LPL: variants seen among roughly 807,000 people sequenced by gnomAD.
LPL encodes the protein lipoprotein lipase.
A neutral mutation model predicts 52.2 loss-of-function variants in LPL; 43 were observed. That is an observed-to-expected ratio of 0.82 (90% confidence interval 0.64 to 1.06). The LOEUF is 1.06. Among genes scored for constraint, LPL ranks in the 50% least tolerant of loss-of-function variants. The pLI is 0.00. For synonymous variants in LPL, 244 were observed against 215.6 expected (o/e 1.13, Z -1.15); for missense variants, 639 against 585.3 (o/e 1.09, Z -0.95).
Position 19,963,796 on chromosome 8 carries a change from G to T in LPL, c.*-1514G>T, listed in dbSNP as rs2070061274. On this transcript the variant is annotated intron_variant, in intron 9 of 9. Coordinates refer to ENST00000650287, the MANE Select transcript of LPL (RefSeq NM_000237.3). ...AACTCAAAATGGAGAATAGTTAGTG[G>T]TATTGAGCCAGGCAAAATAACGCAA... is the stretch of plus-strand genomic sequence containing the variant. Among the ~76,000 whole-genome samples, 5 of 152,090 alleles carry T rather than the reference G, an allele frequency of 3.3e-5. No homozygotes were observed. In the South Asian group the frequency reaches 8.3e-4, roughly 25 times the overall value.
At position 19,960,916 on chromosome 8, in the gene LPL, A is replaced by T. The variant is rs2128839569; in HGVS notation, c.1155A>T (p.Thr385=). The T allele has an allele frequency of 1.2e-6, 2 of 1,613,882 alleles. No individual in the cohort carries two copies. ...NIPFTLPEVS[T]NKTYSFLIYT... is the part of the protein sequence containing the mutation. ...TTTTGTTTAGGCCTGAAGTTTCCAC[A>T]AATAAGACCTACTCCTTCCTAATTT... The change falls in exon 8 of 10, where the codon ACA becomes ACT. Residue 385 remains threonine, a synonymous_variant. Transcript: ENST00000650287.
intron 1 of LPL, among the ~76,000 whole-genome samples, chr8:19,942,696 T>C (rs941022120): frequency 6.6e-6 from 1 of 152,202 alleles, no homozygotes; most frequent in African/African-American, 2.4e-5. Context: ...GGTTCCAACT[T>C]ACTCAGAGGC....
At chr8:19,956,408 A>G (rs1050919612) in intron 6 of LPL, among the ~76,000 whole-genome samples, 5 of 152,224 alleles carry the variant, frequency 3.3e-5, no homozygotes, top group African/African-American at 1.2e-4. Context: ...TCGGGTCAAC[A>G]AACTATAACC....
chr8:19,945,389 A>G (rs554291073), intron 1 of LPL, among the ~76,000 whole-genome samples: 2 of 152,336 alleles, frequency 1.3e-5, no homozygotes, highest in African/African-American at 2.4e-5. Flanking sequence ...TGCCGATAAG[A>G]TTTATGATGT....
intron 1 of LPL, among the ~76,000 whole-genome samples, chr8:19,942,890 C>T (rs2069852693): frequency 2.0e-5 from 3 of 152,316 alleles, no homozygotes; most frequent in South Asian, 4.1e-4. Context: ...GTAAGTTCTG[C>T]CGGAAGTGAG....
In LPL at chr8:19,939,351, ACCGCGGCTCCAGC is replaced by A; in HGVS notation, c.-87_-75del. On this transcript the variant is annotated 5_prime_UTR_variant, in exon 1 of 10. Transcript: ENST00000650287. This position sits in a 1 kb window ranked among gnomAD's most constrained non-coding sequence, Gnocchi z 4.0. ...TAAAGGGCGACTTGCTCAGCGCCAAACCGCGGCTCCAGCCCTCTCCAGCCTCCGGCTCAGCCGG... is the reference window on the plus strand; with the variant it reads ...TAAAGGGCGACTTGCTCAGCGCCAAACCTCTCCAGCCTCCGGCTCAGCCGG... 7.6e-7 allele frequency: 1 copy of A among 1,311,862 alleles called. No homozygotes were observed. Among genetic ancestry groups the A allele is most frequent in the Non-Finnish European group, 1.1e-6 (1 of 937,168 alleles). The allele number at this position is 1,311,862 out of a possible 1,614,324, so 81.3% of individuals were successfully genotyped here.
chr8:19,939,524 C>G lies in LPL; in HGVS notation c.84C>G (p.Ala28=), dbSNP rs1387718651. 13 of 1,607,400 alleles carry G rather than the reference C, an allele frequency of 8.1e-6. No individual in the cohort carries two copies. The highest frequency in any genetic ancestry group is 2.2e-5 in the East Asian group (1 of 44,612). The change falls in exon 1 of 10, where the codon GCC becomes GCG. Residue 28 remains alanine (A), a synonymous_variant. Coordinates refer to ENST00000650287, the MANE Select transcript of LPL (RefSeq NM_000237.3). The surrounding 1 kb of genome is among the most constrained non-coding windows in gnomAD (Gnocchi z 4.0). ...LTASRGGVAA[A]DQRRDFIDIE... Reference sequence around the variant, plus strand: ...CCTCCCGCGGAGGGGTGGCCGCCGCCGACCGTAAGTTTTGCGCGCAAACTC... The same window carrying G: ...CCTCCCGCGGAGGGGTGGCCGCCGCGGACCGTAAGTTTTGCGCGCAAACTC...
At chr8:19,951,549 C>T (rs186141731) in intron 2 of LPL, 374 of 620,112 alleles carry the variant, frequency 6.0e-4, no homozygotes, top group East Asian at 1.1e-3. Flanking sequence ...CCCAATCTGC[C>T]GTTCCTCAAC....
intron 1 of LPL, among the ~76,000 whole-genome samples, chr8:19,945,648 C>A (rs1039193459): frequency 6.6e-6 from 1 of 152,108 alleles, no homozygotes; most frequent in Non-Finnish European, 1.5e-5. Context: ...CATGGAACTA[C>A]ACAAAGCCAG....
chr8:19,954,830 T>C (rs1443389301), intron 5 of LPL, among the ~76,000 whole-genome samples: 2 of 152,216 alleles, frequency 1.3e-5, no homozygotes, highest in Admixed American at 6.5e-5. Flanking sequence ...GATTTTTGTT[T>C]GTTTGTTTTT....
chr8:19,947,946 C>T (rs1459928135), intron 1 of LPL, among the ~76,000 whole-genome samples: 2 of 152,184 alleles, frequency 1.3e-5, no homozygotes, highest in African/African-American at 4.8e-5. Context: ...GGCTGGAAGA[C>T]TTAGGAGAGG....
Position 19,959,777 on chromosome 8 carries a change from CTTTTTTTTTTTTTTT to C in LPL, c.1139+412_1139+426del, listed in dbSNP as rs71205952. On this transcript the variant is annotated intron_variant, in intron 7 of 9. Transcript: ENST00000650287. Reference sequence around the variant, plus strand: ...AGAAGTCCATGACAAAGTGTTAGCTCTTTTTTTTTTTTTTTTTTTTTTTTTTTTTGAGATGGAGTC... The same window carrying C: ...AGAAGTCCATGACAAAGTGTTAGCTCTTTTTTTTTTTTTTGAGATGGAGTC... 1.2e-4 allele frequency among the ~76,000 whole-genome samples: 8 copies of C among 65,098 alleles called. No homozygotes were observed. In the Admixed American group the frequency reaches 1.3e-3, roughly 11 times the overall value. The allele number at this position is 65,098 out of a possible 152,430, so 42.7% of individuals were successfully genotyped here. A position where few individuals can be genotyped will look rare whatever the true frequency, so the allele number is the denominator to read the frequency against.
intron 9 of LPL, among the ~76,000 whole-genome samples, chr8:19,964,313 G>A (rs950506712): frequency 6.6e-6 from 1 of 152,066 alleles, no homozygotes; most frequent in Non-Finnish European, 1.5e-5. Context: ...TTCTGCCAGA[G>A]CATCTACAAC....
intron 1 of LPL, among the ~76,000 whole-genome samples, chr8:19,942,345 C>T (rs1409807056): frequency 1.3e-5 from 2 of 152,094 alleles, no homozygotes; most frequent in African/African-American, 2.4e-5. Context: ...TTCCAGCCAT[C>T]AAAATGATGG....
intron 7 of LPL, among the ~76,000 whole-genome samples, chr8:19,960,192 G>A (rs761975446): frequency 1.3e-5 from 2 of 152,196 alleles, no homozygotes; most frequent in Non-Finnish European, 2.9e-5. Flanking sequence ...ACAAGGTGGT[G>A]AAGCAGAACA....
chr8:19,962,037 T>G lies in LPL; in HGVS notation c.1323-78T>G, dbSNP rs374309388. ...GCATGATCATGTATTATTTAAACAGTCCTGACAGAACTGTACCTTTGTGAA... is the reference window on the plus strand; with the variant it reads ...GCATGATCATGTATTATTTAAACAGGCCTGACAGAACTGTACCTTTGTGAA... On this transcript the variant is annotated intron_variant, in intron 8 of 9. Coordinates refer to ENST00000650287, the MANE Select transcript of LPL (RefSeq NM_000237.3). 1.0e-5 allele frequency: 10 copies of G among 953,316 alleles called. No homozygotes were observed. The South Asian group carries it at 1.2e-4, about 11-fold the overall frequency. 59.1% of individuals were successfully genotyped at this position (953,316 alleles called of 1,614,324 possible). A position where few individuals can be genotyped will look rare whatever the true frequency, so the allele number is the denominator to read the frequency against.
chr8:19,947,161 C>T (rs1443120065), intron 1 of LPL, among the ~76,000 whole-genome samples: 2 of 152,100 alleles, frequency 1.3e-5, no homozygotes, highest in Non-Finnish European at 2.9e-5. Context: ...CATACAAAAG[C>T]CTCCTCATGC....
Position 19,944,580 on chromosome 8 carries a change from T to A in LPL, c.89-3600T>A, listed in dbSNP as rs1354476881. 6.6e-6 allele frequency among the ~76,000 whole-genome samples: 1 copy of A among 152,202 alleles called. No individual in the cohort carries two copies. Among genetic ancestry groups the A allele is most frequent in the African/African-American group, 2.4e-5 (1 of 41,452 alleles). On this transcript the variant is annotated intron_variant, in intron 1 of 9. Transcript: ENST00000650287. This position sits in a 1 kb window ranked among gnomAD's most constrained non-coding sequence, Gnocchi z 4.2. Reference sequence around the variant, plus strand: ...CATCTTACTCACGTGATGACTTTGATCTGCCTTTAAAGCACCATCTGCTGC... The same window carrying A: ...CATCTTACTCACGTGATGACTTTGAACTGCCTTTAAAGCACCATCTGCTGC...
intron 1 of LPL, among the ~76,000 whole-genome samples, chr8:19,941,809 T>G (rs533271132): frequency 6.6e-6 from 1 of 152,278 alleles, no homozygotes; most frequent in South Asian, 2.1e-4. Flanking sequence ...GCTCTTGAGT[T>G]TACTTATTCA....
Sources: gnomAD v4.1 joint callset for allele counts (sites outside exome capture counted in the v4.1 genomes callset) on GRCh38, gnomAD v4.1.1 for gene constraint, Gnocchi (gnomAD v3.1) non-coding constraint, MANE v1.5 for transcripts, NCBI Gene and HGNC (gene_info 2026-07-23, HGNC 2026-07-21) for gene names.